Variants in CLCA4 observed in about 807,000 individuals in gnomAD.
CLCA4 encodes chloride channel accessory 4.
CLCA4 carries 69 observed loss-of-function variants against 78.9 expected under a neutral mutation model. The ratio of observed to expected loss-of-function variants is 0.87; its 90% CI spans 0.72 to 1.07. The LOEUF (loss-of-function observed/expected upper bound fraction) is 1.07. Ranked by LOEUF, CLCA4 falls within the 50% of genes least tolerant of loss-of-function variation. The pLI, the probability that CLCA4 is intolerant of heterozygous loss-of-function variation, is 0.00. For synonymous variants in CLCA4, 362 were observed against 375.8 expected (o/e 0.96, Z 0.42); for missense variants, 1,133 against 1,095.8 (o/e 1.03, Z -0.48).
In CLCA4 at chr1:86,571,255, G is replaced by A. The variant is rs781498818; in HGVS notation, c.1360+1G>A. On this transcript the variant is annotated splice_donor_variant, in intron 8 of 13. Coordinates refer to ENST00000370563, the MANE Select transcript of CLCA4 (RefSeq NM_012128.4). LOFTEE classifies it high-confidence loss of function. Reference sequence around the variant, plus strand: ...GTAATAGAGATGAGCAAGATAACAGGTAAAACACGATCCATTTATTCCAGG... The same window carrying A: ...GTAATAGAGATGAGCAAGATAACAGATAAAACACGATCCATTTATTCCAGG... 1 of 1,608,862 alleles carries A rather than the reference G, an allele frequency of 6.2e-7. No individual in the cohort carries two copies. Among genetic ancestry groups the A allele is most frequent in the South Asian group, 1.1e-5 (1 of 90,614 alleles).
chr1:86,572,436 T>G (rs1650376185), intron 8 of CLCA4, among the ~76,000 whole-genome samples, 178 bp from the exon 9 acceptor site: 1 of 152,056 alleles, frequency 6.6e-6, no homozygotes, highest in Admixed American at 6.6e-5. Context: ...TTTCATTCCC[T>G]AGTTATGACA....
chr1:86,550,993 C>T (rs111532718), intron 1 of CLCA4, among the ~76,000 whole-genome samples: 11,785 of 151,504 alleles, frequency 0.078, 571 homozygotes, highest in Middle Eastern at 0.16. Flanking sequence ...CACCACGCCC[C>T]GCTAATTTTT....
intron 8 of CLCA4, among the ~76,000 whole-genome samples, chr1:86,571,969 T>A (rs560986413): frequency 6.6e-6 from 1 of 152,178 alleles, no homozygotes; most frequent in East Asian, 1.9e-4. Flanking sequence ...TTTTTAATGC[T>A]TAGTTATACA....
At chr1:86,571,857 G>A (rs1650359764) in intron 8 of CLCA4, among the ~76,000 whole-genome samples, 1 of 151,936 alleles carries the variant, frequency 6.6e-6, no homozygotes, top group African/African-American at 2.4e-5. Flanking sequence ...AATGGATTAC[G>A]TGTTTCCAAT....
chr1:86,562,280 C>T (rs551799113), intron 3 of CLCA4, among the ~76,000 whole-genome samples: 9 of 152,320 alleles, frequency 5.9e-5, no homozygotes, highest in South Asian at 2.1e-4. Context: ...TTTCTTAACA[C>T]GCACCAAATT....
At chr1:86,575,302 T>C (rs372337290) in intron 10 of CLCA4, 30 bp from the exon 11 acceptor site, 10 of 1,573,532 alleles carry the variant, frequency 6.4e-6, no homozygotes, top group South Asian at 1.1e-5. Context: ...TGACTTTGGA[T>C]ACTTACTATA....
At chr1:86,556,707 GTTGGAGAGGATCCCTCCCTCCTCAAATTT>G (rs1484707764) in intron 1 of CLCA4, among the ~76,000 whole-genome samples, 4 of 152,194 alleles carry the variant, frequency 2.6e-5, no homozygotes, top group African/African-American at 9.6e-5. Context: ...CATAGAATGA[GTTGGAGAGGATCCCTCCCTCCTCAAATTT>G]TTGGAATAGT....
chr1:86,562,518 G>A (rs1255370096), intron 3 of CLCA4, among the ~76,000 whole-genome samples: 2 of 152,102 alleles, frequency 1.3e-5, no homozygotes, highest in Non-Finnish European at 2.9e-5. Context: ...TGATGCTGAT[G>A]GATGTTGTCC....
intron 1 of CLCA4, among the ~76,000 whole-genome samples, chr1:86,552,011 T>G (rs1486963436): frequency 6.6e-6 from 1 of 151,972 alleles, no homozygotes; most frequent in Non-Finnish European, 1.5e-5. Context: ...CATGATACAC[T>G]CACACTGTTG....
At chr1:86,552,960 G>A (rs1026276313) in intron 1 of CLCA4, 4 of 631,088 alleles carry the variant, frequency 6.3e-6, no homozygotes, top group African/African-American at 5.5e-5. Flanking sequence ...AGGTGACTGG[G>A]CAAAGGTTAG....
intron 1 of CLCA4, among the ~76,000 whole-genome samples, chr1:86,555,514 G>A (rs1231181718): frequency 6.6e-6 from 1 of 152,110 alleles, no homozygotes; most frequent in Non-Finnish European, 1.5e-5. Flanking sequence ...GGTGGTGGAT[G>A]TGCAGCCTTA....
chr1:86,552,794 C>T (rs1558179607), intron 1 of CLCA4: 8 of 1,144,726 alleles, frequency 7.0e-6, no homozygotes, highest in Non-Finnish European at 1.1e-5. Flanking sequence ...GGGCTGTCCA[C>T]GCCTGAAAAC....
At chr1:86,565,760 C>T in intron 5 of CLCA4, 42 bp from the exon 6 acceptor site, 1 of 1,177,902 alleles carries the variant, frequency 8.5e-7, no homozygotes, top group South Asian at 1.9e-5. Context: ...TTTTTAAATG[C>T]ATGGTATATT....
chr1:86,553,772 TA>T (rs1649742066), intron 1 of CLCA4, among the ~76,000 whole-genome samples: 1 of 151,932 alleles, frequency 6.6e-6, no homozygotes, highest in Admixed American at 6.6e-5. Flanking sequence ...CTCTCTCTAC[TA>T]AAAAATACAA....
At position 86,580,066 on chromosome 1, in the gene CLCA4, ATT is replaced by A; in HGVS notation, c.2483_2484del (p.Phe828Ter). 6.2e-7 allele frequency: 1 copy of A among 1,613,036 alleles called. No homozygotes were observed. The highest frequency in any genetic ancestry group is 8.5e-7 in the Non-Finnish European group (1 of 1,179,440). On this transcript the variant is annotated frameshift_variant, in exon 14 of 14. Transcript: ENST00000370563. LOFTEE classifies it low-confidence loss of function (END_TRUNC). ...AGGCCAACTCCAAGGAAAGCTTTGC[ATT>A]TAAACCAGAAAATATCTCAGAAGAA... ...KEANSKESFA[F>X]KPENISEENA...
intron 5 of CLCA4, 120 bp downstream of exon 5, chr1:86,565,571 T>G: frequency 1.3e-6 from 1 of 784,302 alleles, no homozygotes. Context: ...CTTTGAACAC[T>G]GGCTAACACA....
intron 7 of CLCA4, among the ~76,000 whole-genome samples, chr1:86,569,837 G>A (rs1650295797): frequency 6.6e-6 from 1 of 151,940 alleles, no homozygotes; most frequent in African/African-American, 2.4e-5. Flanking sequence ...ATGTAGGAAT[G>A]TAGTTCCTAC....
In CLCA4 at chr1:86,571,268, C is replaced by A. The variant is rs764726213; in HGVS notation, c.1360+14C>A. The A allele has an allele frequency of 6.2e-7, 1 of 1,601,682 alleles. No homozygotes were observed. ...GCAAGATAACAGGTAAAACACGATCCATTTATTCCAGGCCTTCAATAGTAA... is the reference window on the plus strand; with the variant it reads ...GCAAGATAACAGGTAAAACACGATCAATTTATTCCAGGCCTTCAATAGTAA... On this transcript the variant is annotated intron_variant, in intron 8 of 13. Transcript: ENST00000370563.
intron 13 of CLCA4, 128 bp downstream of exon 13, chr1:86,579,715 C>A: frequency 5.3e-6 from 4 of 756,338 alleles, no homozygotes; most frequent in Non-Finnish European, 8.6e-6. Context: ...ATTTTATAAT[C>A]TGATATTTTT....
Sources: allele counts gnomAD v4.1 joint callset (sites outside exome capture counted in the v4.1 genomes callset), GRCh38; gene constraint gnomAD v4.1.1; transcripts MANE v1.5; gene names NCBI Gene and HGNC (gene_info 2026-07-23, HGNC 2026-07-21).